Variants in ZNF462 observed in about 807,000 individuals in gnomAD.
ZNF462 encodes the protein zinc finger protein 462.
Under a neutral mutation model 201.9 loss-of-function variants are expected in ZNF462, and 10 were observed. The observed-to-expected ratio is 0.05, with a 90% CI of 0.03 to 0.08. The LOEUF (loss-of-function observed/expected upper bound fraction) is 0.08. Ranked by LOEUF, ZNF462 falls within the 10% of genes least tolerant of loss-of-function variation. ZNF462 has a pLI of 1.00. For missense variants in ZNF462, 2,523 were observed against 3,168.3 expected, an observed-to-expected ratio of 0.80 and a Z score of 4.89; for synonymous variants, 1,227 against 1,193.3, an observed-to-expected ratio of 1.03 and a Z score of -0.58.
At chr9:106,934,764 T>A (rs548931416) in intron 5 of ZNF462, among the ~76,000 whole-genome samples, 1 of 152,298 alleles carries the variant, frequency 6.6e-6, no homozygotes, top group Admixed American at 6.5e-5. Flanking sequence ...ACACCTTGTT[T>A]GGTAGATTTA....
rs563934773 is a variant in ZNF462 at position 107,009,191 on chromosome 9, G to C, written c.7190-354G>C. On this transcript the variant is annotated intron_variant, in intron 11 of 12. Transcript: ENST00000277225. The surrounding 1 kb of genome is among the most constrained non-coding windows in gnomAD (Gnocchi z 6.1). The stretch of plus-strand genomic sequence containing the variant: ...AATAGATGCTAGCCTGTGAGGCACT[G>C]ATATAAATCATCACACAAGGGAGAG... 30 of 228,912 alleles carry C rather than the reference G, an allele frequency of 1.3e-4. 1 individual carries two copies. In the South Asian group the frequency reaches 2.7e-3, roughly 20 times the overall value. 14.2% of individuals were successfully genotyped at this position (228,912 alleles called of 1,614,324 possible).
chr9:106,934,722 C>T (rs1482920111), intron 5 of ZNF462, among the ~76,000 whole-genome samples: 1 of 152,146 alleles, frequency 6.6e-6, no homozygotes, highest in African/African-American at 2.4e-5. Flanking sequence ...GAATTTAGTT[C>T]TCTGGAGTGC....
At chr9:106,922,904 T>C (rs1209543908) in intron 1 of ZNF462, among the ~76,000 whole-genome samples, 2 of 152,186 alleles carry the variant, frequency 1.3e-5, no homozygotes, top group Non-Finnish European at 2.9e-5. Flanking sequence ...TAATACTAAA[T>C]AAACAGCTAA....
rs968076135 is a variant in ZNF462 at position 106,913,661 on chromosome 9, G to C, written c.-30-9693G>C. Among the ~76,000 whole-genome samples, 1 of 138,476 alleles carries C rather than the reference G, an allele frequency of 7.2e-6. No individual in the cohort carries two copies. Among genetic ancestry groups the C allele is most frequent in the Non-Finnish European group, 1.7e-5 (1 of 60,018 alleles). 90.8% of individuals were successfully genotyped at this position (138,476 alleles called of 152,430 possible). On this transcript the variant is annotated intron_variant, in intron 1 of 12. Coordinates refer to ENST00000277225, the MANE Select transcript of ZNF462 (RefSeq NM_021224.6). This position sits in a 1 kb window ranked among gnomAD's most constrained non-coding sequence, Gnocchi z 4.1. ...GACCCAGGCTGGAGTGCAGTGGCAT[G>C]ATCTCGACTCACTGCAACCTCTGTC... is the stretch of plus-strand genomic sequence containing the variant.
chr9:106,932,687 C>T lies in ZNF462; in HGVS notation c.6116+138C>T. The T allele has an allele frequency of 3.6e-6, 4 of 1,101,940 alleles. No individual in the cohort carries two copies. The highest frequency in any genetic ancestry group is 5.2e-6 in the Non-Finnish European group (4 of 770,716). The allele number at this position is 1,101,940 out of a possible 1,614,324, so 68.3% of individuals were successfully genotyped here. ...CCTGCTGCTATGTTACCTGGAGCCT[C>T]AGTCACCTTTTCTGTAAAATGGGGC... On this transcript the variant is annotated intron_variant, in intron 5 of 12. Transcript: ENST00000277225. The surrounding 1 kb of genome is among the most constrained non-coding windows in gnomAD (Gnocchi z 6.8).
intron 7 of ZNF462, among the ~76,000 whole-genome samples, chr9:106,961,321 A>G (rs1243784773): frequency 6.6e-6 from 1 of 152,148 alleles, no homozygotes; most frequent in African/African-American, 2.4e-5. Flanking sequence ...TGAGACAGCC[A>G]TGGATTCTGA....
At position 106,878,374 on chromosome 9, in the gene ZNF462, C is replaced by A. The variant is rs927931480; in HGVS notation, c.-31+15019C>A. On this transcript the variant is annotated intron_variant, in intron 1 of 12. Transcript: ENST00000277225. ...GTACAGATGGCATGCTCTTGCCATT[C>A]ATCCAATGCCTGGTTTTGCATGCTT... Among the ~76,000 whole-genome samples the A allele has an allele frequency of 9.5e-4, 145 of 152,340 alleles. 1 individual carries two copies. The highest frequency in any genetic ancestry group is 3.4e-3 in the African/African-American group (140 of 41,590).
chr9:106,889,428 G>T (rs879029140), intron 1 of ZNF462, among the ~76,000 whole-genome samples: 7 of 152,194 alleles, frequency 4.6e-5, no homozygotes, highest in African/African-American at 1.7e-4. Context: ...ATAGGTACGG[G>T]GGAGTCTGGT....
intron 6 of ZNF462, among the ~76,000 whole-genome samples, chr9:106,937,210 T>C (rs989371287): frequency 6.6e-6 from 1 of 152,146 alleles, no homozygotes; most frequent in East Asian, 1.9e-4. Flanking sequence ...AAGCTTGCAT[T>C]AAAAGAAAAA....
chr9:106,866,533 T>C (rs1339185490), intron 1 of ZNF462, among the ~76,000 whole-genome samples: 4 of 152,192 alleles, frequency 2.6e-5, no homozygotes, highest in Non-Finnish European at 5.9e-5. Flanking sequence ...GACAAAAATG[T>C]ATGGTTTCAG....
Position 106,974,150 on chromosome 9 carries a change from A to G in ZNF462, c.6709A>G (p.Met2237Val). Residue 2237 changes from methionine to valine, a missense_variant, in exon 9 of 13, where the codon ATG (methionine) becomes GTG (valine). Around this residue, in one of 15 missense-constraint regions of ZNF462, gnomAD observed 228 missense variants for 361.2 expected, o/e 0.63. Coordinates refer to ENST00000277225, the MANE Select transcript of ZNF462 (RefSeq NM_021224.6). This position sits in a 1 kb window ranked among gnomAD's most constrained non-coding sequence, Gnocchi z 4.0. The stretch of plus-strand genomic sequence containing the variant: ...ACTCTCTCCTAGATCTGCTTTTACT[A>G]TGCACGTGGAAGCTGGGCACTCAGC... ...FYTGFKSAFTMHVEAGHSAVP... is the reference protein window; with the variant it reads ...FYTGFKSAFTVHVEAGHSAVP... The G allele has an allele frequency of 1.2e-6, 2 of 1,614,070 alleles. No individual in the cohort carries two copies. Among genetic ancestry groups the G allele is most frequent in the Non-Finnish European group, 8.5e-7 (1 of 1,180,008 alleles).
At chr9:106,912,590 T>C (rs2131317485) in intron 1 of ZNF462, among the ~76,000 whole-genome samples, 1 of 152,314 alleles carries the variant, frequency 6.6e-6, no homozygotes, top group South Asian at 2.1e-4. Context: ...ACTTGTGAGT[T>C]CCTGTCTCAA....
At chr9:106,994,526 G>A (rs1828543043) in intron 10 of ZNF462, among the ~76,000 whole-genome samples, 1 of 151,816 alleles carries the variant, frequency 6.6e-6, no homozygotes, top group Non-Finnish European at 1.5e-5. Flanking sequence ...TTTTATTTCT[G>A]AACTAAATGC....
At chr9:106,898,491 G>A (rs1828909285) in intron 1 of ZNF462, among the ~76,000 whole-genome samples, 1 of 152,198 alleles carries the variant, frequency 6.6e-6, no homozygotes, top group African/African-American at 2.4e-5. Context: ...CACTACTGGG[G>A]ATGAGGGAAG....
At chr9:106,934,160 C>A (rs559037423) in intron 5 of ZNF462, among the ~76,000 whole-genome samples, 12 of 151,774 alleles carry the variant, frequency 7.9e-5, no homozygotes, top group African/African-American at 2.9e-4. Flanking sequence ...AGGTATGGCC[C>A]CATTATTATC....
intron 7 of ZNF462, among the ~76,000 whole-genome samples, chr9:106,951,869 A>G: frequency 7.0e-6 from 1 of 142,668 alleles, no homozygotes; most frequent in Non-Finnish European, 1.5e-5. Flanking sequence ...TTTTTTTTCC[A>G]GTGGAATTTT....
At chr9:106,898,940 TG>T (rs1349234323) in intron 1 of ZNF462, among the ~76,000 whole-genome samples, 1 of 152,114 alleles carries the variant, frequency 6.6e-6, no homozygotes, top group East Asian at 1.9e-4. Context: ...ATGATAACAA[TG>T]GCAATTGTAG....
chr9:106,864,072 C>CTGTCTCTCTCTG (rs1827194607), intron 1 of ZNF462, among the ~76,000 whole-genome samples: 1 of 125,244 alleles, frequency 8.0e-6, no homozygotes, highest in Non-Finnish European at 1.8e-5. Context: ...CTCTCTCTCT[C>CTGTCTCTCTCTG]TCTCTCTCTC....
chr9:106,889,011 A>G (rs139927108), intron 1 of ZNF462, among the ~76,000 whole-genome samples: 291 of 152,336 alleles, frequency 1.9e-3, no homozygotes, highest in African/African-American at 6.5e-3. Flanking sequence ...CTTTCACTTT[A>G]ACAGAAAGAT....
Sources: allele counts gnomAD v4.1 joint callset (sites outside exome capture counted in the v4.1 genomes callset), GRCh38; gene constraint gnomAD v4.1.1; regional missense constraint gnomAD v4.1.1; non-coding constraint Gnocchi (gnomAD v3.1); transcripts MANE v1.5; gene names NCBI Gene and HGNC (gene_info 2026-07-23, HGNC 2026-07-21).